CCDC3: variants seen among roughly 807,000 people sequenced by gnomAD.
CCDC3 encodes coiled-coil domain containing 3, also known as coiled-coil domain-containing protein 3.
In CCDC3, 24 loss-of-function variants were observed where a neutral mutation model predicts 21.4. That is an observed-to-expected ratio of 1.12 (90% CI 0.81 to 1.58). The LOEUF is 1.58. CCDC3 is among the 40% of genes most tolerant of loss of function. The pLI, the probability that CCDC3 is intolerant of heterozygous loss-of-function variation, is 0.00. For synonymous variants in CCDC3, 186 were observed against 166.0 expected, an observed-to-expected ratio of 1.12 and a Z score of -0.93; for missense variants, 425 against 360.9, an observed-to-expected ratio of 1.18 and a Z score of -1.44.
chr10:12,951,258 C>T (rs1835004050), intron 2 of CCDC3, among the ~76,000 whole-genome samples: 1 of 152,080 alleles, frequency 6.6e-6, no homozygotes, highest in African/African-American at 2.4e-5. Flanking sequence ...CACCTGTAGT[C>T]CCAGGTACTC....
rs887386309 is a variant in CCDC3 at position 12,994,346 on chromosome 10, C to T, written c.549+3992G>A. On this transcript the variant is annotated intron_variant, in intron 2 of 2. Coordinates refer to ENST00000378825, the MANE Select transcript of CCDC3 (RefSeq NM_031455.4). ...CTGGGAGACAGAGGCTGCAGTAAGC[C>T]GAGATTGCATCACTGCACTCCAACC... is the stretch of plus-strand genomic sequence containing the variant. 2.0e-5 allele frequency among the ~76,000 whole-genome samples: 3 copies of T among 151,094 alleles called. No homozygotes were observed. In the East Asian group the frequency reaches 5.8e-4, roughly 29 times the overall value.
At position 13,017,568 on chromosome 10, in the gene CCDC3, T is replaced by A. The variant is rs192656132; in HGVS notation, c.-1-19056A>T. On this transcript the variant is annotated intron_variant, in intron 5 of 6. Transcript: ENST00000378839. ...AAAAGAAAAAAGGAATGCCTTTTTT[T>A]AAATTTCAAGTCCATCCAACCAATT... is the stretch of plus-strand genomic sequence containing the variant. Among the ~76,000 whole-genome samples, 234 of 152,020 alleles carry A rather than the reference T, an allele frequency of 1.5e-3. 3 individuals are homozygous for A. The highest frequency in any genetic ancestry group is 0.013 in the Admixed American group (196 of 15,264).
chr10:13,009,670 T>C (rs1009351662), intron 5 of CCDC3, among the ~76,000 whole-genome samples: 1 of 152,198 alleles, frequency 6.6e-6, no homozygotes, highest in East Asian at 1.9e-4. Context: ...TGGAAATTGA[T>C]TGGAAAAAGA....
intron 2 of CCDC3, among the ~76,000 whole-genome samples, chr10:12,961,182 C>G (rs1181847619): frequency 1.3e-5 from 2 of 152,230 alleles, no homozygotes; most frequent in Non-Finnish European, 2.9e-5. Flanking sequence ...TCTGCCAAGT[C>G]AGTGGCTTGA....
chr10:13,045,166 C>T (rs1305700239), intron 5 of CCDC3, among the ~76,000 whole-genome samples: 1 of 152,126 alleles, frequency 6.6e-6, no homozygotes, highest in Non-Finnish European at 1.5e-5. Context: ...ATATTCAATG[C>T]CTGAAATTCT....
chr10:13,040,567 G>A (rs1426994003), intron 5 of CCDC3, among the ~76,000 whole-genome samples: 1 of 152,158 alleles, frequency 6.6e-6, no homozygotes, highest in African/African-American at 2.4e-5. Flanking sequence ...GTGCACGCCT[G>A]TAATCCCAGC....
chr10:12,916,168 T>C (rs968050303), intron 2 of CCDC3, among the ~76,000 whole-genome samples: 1 of 152,154 alleles, frequency 6.6e-6, no homozygotes, highest in Non-Finnish European at 1.5e-5. Context: ...GCGCAGTGGT[T>C]CACGCCTGAA....
rs989427311 is a variant in CCDC3 at position 12,998,241 on chromosome 10, T to A, written c.549+97A>T. ...ACGCTAATACTCTCTGATCTGGGCT[T>A]TTGGAAGAGTATTCTTGATTCCTTT... On this transcript the variant is annotated intron_variant, in intron 2 of 2. Transcript: ENST00000378825. The A allele has an allele frequency of 3.8e-5, 52 of 1,364,976 alleles. No individual in the cohort carries two copies. In the Middle Eastern group the frequency reaches 5.6e-4, roughly 15 times the overall value. The allele number at this position is 1,364,976 out of a possible 1,614,324, so 84.6% of individuals were successfully genotyped here.
At chr10:12,937,205 C>A (rs74500535) in intron 2 of CCDC3, among the ~76,000 whole-genome samples, 5 of 151,988 alleles carry the variant, frequency 3.3e-5, no homozygotes, top group African/African-American at 1.2e-4. Flanking sequence ...TTCCCACAGG[C>A]GTTTTTGCTC....
chr10:13,026,050 G>T (rs538370683), intron 5 of CCDC3, among the ~76,000 whole-genome samples: 1 of 151,960 alleles, frequency 6.6e-6, no homozygotes, highest in Non-Finnish European at 1.5e-5. Context: ...GCTTGGTGGC[G>T]TGTGCCTGTA....
chr10:12,906,058 C>T (rs1834166487), intron 2 of CCDC3, among the ~76,000 whole-genome samples: 1 of 152,170 alleles, frequency 6.6e-6, no homozygotes. Flanking sequence ...TTCTCCCATT[C>T]TTTAAAAGCC....
chr10:12,928,005 C>G (rs963209488), intron 2 of CCDC3, among the ~76,000 whole-genome samples: 2 of 152,236 alleles, frequency 1.3e-5, no homozygotes, highest in African/African-American at 4.8e-5. Context: ...TAATTTTCTT[C>G]TAACCTCAAG....
At chr10:13,071,364 A>C (rs1002727279) in intron 4 of CCDC3, among the ~76,000 whole-genome samples, 1 of 152,226 alleles carries the variant, frequency 6.6e-6, no homozygotes, top group African/African-American at 2.4e-5. Flanking sequence ...CTAGGAAAGA[A>C]AACTGGATCT....
intron 4 of CCDC3, among the ~76,000 whole-genome samples, chr10:13,072,526 C>G (rs889878999): frequency 1.3e-5 from 2 of 152,212 alleles, no homozygotes; most frequent in South Asian, 4.1e-4. Flanking sequence ...AGGGCTTCAT[C>G]TGAGCCTGCT....
At chr10:12,990,014 A>G (rs1835656378) in intron 2 of CCDC3, among the ~76,000 whole-genome samples, 1 of 152,010 alleles carries the variant, frequency 6.6e-6, no homozygotes, top group Non-Finnish European at 1.5e-5. Context: ...GCACTTTGGG[A>G]GGCCGAGGCG....
At position 13,001,192 on chromosome 10, in the gene CCDC3, C is replaced by T. The variant is rs1160509327; in HGVS notation, c.374+5G>A. 2.6e-6 allele frequency: 4 copies of T among 1,547,892 alleles called. No individual in the cohort carries two copies. The highest frequency in any genetic ancestry group is 2.7e-5 in the African/African-American group (2 of 72,754). On this transcript the variant is annotated splice_donor_5th_base_variant and intron_variant, in intron 1 of 2. Coordinates refer to ENST00000378825, the MANE Select transcript of CCDC3 (RefSeq NM_031455.4). ...GAGAGGTGGCGGCGGCGCCGCCGGG[C>T]TCACCTGAGGAAGAAGAAATAGGAG...
chr10:12,916,418 C>T (rs1400109420), intron 2 of CCDC3, among the ~76,000 whole-genome samples: 1 of 129,228 alleles, frequency 7.7e-6, no homozygotes, highest in Non-Finnish European at 1.6e-5. Flanking sequence ...TAGAGACAGA[C>T]TCCATCTCAA....
chr10:12,928,607 C>T (rs1013315180), intron 2 of CCDC3, among the ~76,000 whole-genome samples: 1 of 152,172 alleles, frequency 6.6e-6, no homozygotes. Flanking sequence ...TCCTGTTAGA[C>T]GTGTATATTT....
At chr10:12,956,617 C>T (rs1564298027) in intron 2 of CCDC3, among the ~76,000 whole-genome samples, 1 of 152,162 alleles carries the variant, frequency 6.6e-6, no homozygotes, top group Non-Finnish European at 1.5e-5. Context: ...TGGTTTATCC[C>T]GGGCAGGTAA....
Sources: gnomAD v4.1 joint callset for allele counts (sites outside exome capture counted in the v4.1 genomes callset) on GRCh38, gnomAD v4.1.1 for gene constraint, MANE v1.5 for transcripts, NCBI Gene and HGNC (gene_info 2026-07-23, HGNC 2026-07-21) for gene names.